EXOC6: variants seen among roughly 807,000 people sequenced by gnomAD.
The protein encoded by EXOC6 is SEC15-like 1.
Under a neutral mutation model 112.5 loss-of-function variants are expected in EXOC6, and 60 were observed. The observed-to-expected ratio is 0.53, with a 90% CI of 0.43 to 0.66. EXOC6 has a LOEUF of 0.66. EXOC6 is among the 30% of genes least tolerant of loss of function. The pLI is 0.00. For missense variants in EXOC6, 855 were observed against 957.1 expected (o/e 0.89, Z 1.41); for synonymous variants, 295 against 308.0 (o/e 0.96, Z 0.44).
intron 5 of EXOC6, among the ~76,000 whole-genome samples, chr10:92,905,822 G>A (rs1277331968): frequency 2.6e-5 from 4 of 152,056 alleles, no homozygotes; most frequent in Non-Finnish European, 5.9e-5. Context: ...GTAGTTGTTG[G>A]ATGAAGTATT....
intron 19 of EXOC6, among the ~76,000 whole-genome samples, chr10:93,004,857 A>G (rs762116226): frequency 1.6e-4 from 25 of 152,196 alleles, no homozygotes; most frequent in Non-Finnish European, 3.1e-4. Flanking sequence ...AAACCCTTCA[A>G]CCATCAAGAG....
At chr10:92,962,893 T>G (rs1026851780) in intron 17 of EXOC6, among the ~76,000 whole-genome samples, 1 of 152,228 alleles carries the variant, frequency 6.6e-6, no homozygotes, top group Admixed American at 6.5e-5. Context: ...TGCATACCTT[T>G]AGATGAGACT....
upstream of EXOC6, among the ~76,000 whole-genome samples, chr10:92,834,052 G>A (rs1217727219): frequency 1.3e-5 from 2 of 152,072 alleles, no homozygotes; most frequent in Admixed American, 6.5e-5. Flanking sequence ...AAAGGAGTAA[G>A]ATCTAAATGC....
chr10:92,950,035 T>A (rs1490079372), intron 14 of EXOC6, among the ~76,000 whole-genome samples: 2 of 152,240 alleles, frequency 1.3e-5, no homozygotes, highest in Non-Finnish European at 2.9e-5. Context: ...AATTTAACTT[T>A]GCTTGCAGAG....
intron 14 of EXOC6, among the ~76,000 whole-genome samples, chr10:92,950,159 A>G (rs1479845589): frequency 6.6e-6 from 1 of 152,240 alleles, no homozygotes; most frequent in Non-Finnish European, 1.5e-5. Flanking sequence ...ATGGAAAATT[A>G]AAATATGACA....
intron 18 of EXOC6, among the ~76,000 whole-genome samples, chr10:92,990,217 A>G (rs995232417): frequency 2.6e-5 from 4 of 152,168 alleles, no homozygotes; most frequent in Non-Finnish European, 4.4e-5. Flanking sequence ...TTAGTTGAAA[A>G]TGAACATATT....
chr10:92,928,723 A>G (rs1204970045), intron 9 of EXOC6, among the ~76,000 whole-genome samples: 2 of 152,116 alleles, frequency 1.3e-5, no homozygotes, highest in Non-Finnish European at 2.9e-5. Context: ...ATAGTGGATT[A>G]TGTATCTTGA....
chr10:92,866,078 G>A (rs894335604), intron 1 of EXOC6, among the ~76,000 whole-genome samples: 1 of 152,088 alleles, frequency 6.6e-6, no homozygotes, highest in African/African-American at 2.4e-5. Flanking sequence ...TCAAACCTGT[G>A]TTGTTCAAGG....
chr10:93,023,899 A>G (rs1040055226), intron 20 of EXOC6, among the ~76,000 whole-genome samples: 2 of 143,896 alleles, frequency 1.4e-5, no homozygotes, highest in Admixed American at 1.4e-4. Context: ...ACTAAATATC[A>G]CTGGGAAATG....
At chr10:92,996,334 C>A (rs1589999953) in intron 18 of EXOC6, among the ~76,000 whole-genome samples, 1 of 152,158 alleles carries the variant, frequency 6.6e-6, no homozygotes, top group South Asian at 2.1e-4. Context: ...TATTTTAAAC[C>A]TCTAGTTGAA....
chr10:93,051,370 G>A lies in EXOC6; in HGVS notation c.2170-5554G>A, dbSNP rs78648833. ...GTGGGAGTGAAAGGATTGGCTGAGA[G>A]CAAGTCTAGCAGATGGGACATTGGA... On this transcript the variant is annotated intron_variant, in intron 20 of 21. Coordinates refer to ENST00000260762, the MANE Select transcript of EXOC6 (RefSeq NM_019053.6). 3.0e-3 allele frequency among the ~76,000 whole-genome samples: 464 copies of A among 152,338 alleles called. 1 individual carries two copies. Among genetic ancestry groups the A allele is most frequent in the African/African-American group, 0.01 (435 of 41,576 alleles).
chr10:92,845,808 C>T (rs1257943906), upstream of EXOC6, among the ~76,000 whole-genome samples: 11 of 149,890 alleles, frequency 7.3e-5, no homozygotes, highest in Admixed American at 5.3e-4. Flanking sequence ...CGTGGTGGCA[C>T]GTGCCTGTAA....
At chr10:92,832,642 A>G (rs1054048258), upstream of EXOC6, among the ~76,000 whole-genome samples, 5 of 151,978 alleles carry the variant, frequency 3.3e-5, no homozygotes, top group African/African-American at 7.3e-5. Flanking sequence ...CATTCTGCAC[A>G]CATATAATCT....
chr10:92,864,335 C>A (rs1421230090), intron 1 of EXOC6, among the ~76,000 whole-genome samples: 1 of 152,210 alleles, frequency 6.6e-6, no homozygotes, highest in Non-Finnish European at 1.5e-5. Flanking sequence ...TAAACCAAGG[C>A]AGATATACAT....
At chr10:92,852,612 T>C (rs367629984) in intron 1 of EXOC6, among the ~76,000 whole-genome samples, 10 of 152,320 alleles carry the variant, frequency 6.6e-5, no homozygotes, top group African/African-American at 2.2e-4. Flanking sequence ...TCAAGAAAGA[T>C]GCTGGCTTAA....
chr10:93,005,727 A>G (rs892247154), intron 19 of EXOC6, among the ~76,000 whole-genome samples: 5 of 152,212 alleles, frequency 3.3e-5, no homozygotes, highest in Middle Eastern at 3.2e-3. Context: ...AGGGTTTAAC[A>G]TCTGAAATCT....
At chr10:92,998,384 G>A (rs774130625) in intron 19 of EXOC6, among the ~76,000 whole-genome samples, 1 of 152,068 alleles carries the variant, frequency 6.6e-6, no homozygotes, top group Non-Finnish European at 1.5e-5. Flanking sequence ...AATCAGTGGG[G>A]CACAAGAAGG....
At chr10:92,955,555 A>G (rs775419260) in intron 16 of EXOC6, 25 bp from the exon 17 acceptor site, 2 of 1,589,634 alleles carry the variant, frequency 1.3e-6, no homozygotes, top group East Asian at 4.5e-5. Context: ...CCTGTATTTT[A>G]CTAGATATAT....
intron 18 of EXOC6, among the ~76,000 whole-genome samples, chr10:92,974,709 G>T (rs1361148309): frequency 6.6e-6 from 1 of 152,190 alleles, no homozygotes; most frequent in Non-Finnish European, 1.5e-5. Flanking sequence ...GCGATTGCAG[G>T]CGCACGCCAC....
Sources: allele counts gnomAD v4.1 joint callset (sites outside exome capture counted in the v4.1 genomes callset), GRCh38; gene constraint gnomAD v4.1.1; transcripts MANE v1.5; gene names NCBI Gene and HGNC (gene_info 2026-07-23, HGNC 2026-07-21).